The following CACNA2D1 variants were observed in gnomAD, a reference collection of about 807,000 sequenced individuals.
CACNA2D1 encodes the protein voltage-dependent calcium channel subunit alpha-2/delta-1.
Under a neutral mutation model 171.5 loss-of-function variants are expected in CACNA2D1, and 53 were observed. The ratio of observed to expected loss-of-function variants is 0.31; its 90% CI spans 0.25 to 0.39. The LOEUF is 0.39. Ranked by LOEUF, CACNA2D1 falls within the 10% of genes least tolerant of loss-of-function variation. The pLI is 1.00. For synonymous variants in CACNA2D1, 442 were observed against 443.1 expected (o/e 1.00, Z 0.03); for missense variants, 903 against 1,299.8 (o/e 0.69, Z 4.69).
intron 4 of CACNA2D1, among the ~76,000 whole-genome samples, chr7:82,145,616 TTATAA>T (rs1370489741): frequency 1.4e-5 from 2 of 143,008 alleles, no homozygotes; most frequent in African/African-American, 5.1e-5. Context: ...TTTACATATA[TTATAA>T]AATTACATAT....
chr7:82,346,033 T>TGG (rs1819217377), intron 2 of CACNA2D1, among the ~76,000 whole-genome samples: 1 of 152,188 alleles, frequency 6.6e-6, no homozygotes, highest in Admixed American at 6.5e-5. Context: ...GACTAAGTTC[T>TGG]AACCACTGGA....
At chr7:82,149,269 A>G (rs536699892) in intron 4 of CACNA2D1, among the ~76,000 whole-genome samples, 191 of 152,282 alleles carry the variant, frequency 1.3e-3, no homozygotes, top group Non-Finnish European at 1.4e-3. Flanking sequence ...TTCCACAGAC[A>G]AGATGTTCAC....
chr7:82,219,362 A>AT (rs1188103437), intron 3 of CACNA2D1, among the ~76,000 whole-genome samples: 45 of 152,008 alleles, frequency 3.0e-4, no homozygotes, highest in Admixed American at 2.9e-3. Flanking sequence ...GTTCTACATA[A>AT]TTTTTTTTCA....
rs187390095 is a variant in CACNA2D1 at position 82,316,973 on chromosome 7, A to G, written c.294+18162T>C. Among the ~76,000 whole-genome samples, 47 of 152,314 alleles carry G rather than the reference A, an allele frequency of 3.1e-4. 2 individuals are homozygous for G. The East Asian group carries it at 8.3e-3, about 27-fold the overall frequency. On this transcript the variant is annotated intron_variant, in intron 3 of 38. Coordinates refer to ENST00000356860, the MANE Select transcript of CACNA2D1 (RefSeq NM_000722.4). ...ATTTGGGCGGGGACACAGCCAAACC[A>G]TATCAATCTGATTCAGTAATACACT... is the stretch of plus-strand genomic sequence containing the variant.
At chr7:82,017,610 G>GTTT in intron 12 of CACNA2D1, among the ~76,000 whole-genome samples, 1 of 148,768 alleles carries the variant, frequency 6.7e-6, no homozygotes, top group African/African-American at 2.5e-5. Flanking sequence ...TTCTTCAGAT[G>GTTT]TTTTTTTTTT....
chr7:82,190,727 A>G (rs1798207714), intron 3 of CACNA2D1, among the ~76,000 whole-genome samples: 1 of 151,682 alleles, frequency 6.6e-6, no homozygotes, highest in Non-Finnish European at 1.5e-5. Context: ...TCCTCTTGGT[A>G]TTATGAAAAA....
chr7:82,373,595 T>C (rs1180363169), intron 1 of CACNA2D1, among the ~76,000 whole-genome samples: 1 of 152,132 alleles, frequency 6.6e-6, no homozygotes, highest in Non-Finnish European at 1.5e-5. Context: ...AATGTAATAA[T>C]CTTTGACCTC....
At chr7:81,952,448 T>C (rs1435377625) in intron 38 of CACNA2D1, among the ~76,000 whole-genome samples, 4 of 152,004 alleles carry the variant, frequency 2.6e-5, no homozygotes, top group Admixed American at 2.6e-4. Flanking sequence ...AAAGAATCTA[T>C]GAAAAAATTT....
At chr7:82,172,616 C>CTTTTTT (rs55737158) in intron 3 of CACNA2D1, among the ~76,000 whole-genome samples, 1 of 64,512 alleles carries the variant, frequency 1.6e-5, no homozygotes, top group Non-Finnish European at 2.6e-5. Context: ...AGAAACCCGG[C>CTTTTTT]TTTTTTTTTT....
At chr7:82,359,500 G>C (rs116221269) in intron 1 of CACNA2D1, among the ~76,000 whole-genome samples, 1,840 of 152,062 alleles carry the variant, frequency 0.012, 43 homozygotes, top group African/African-American at 0.042. Flanking sequence ...CCAGTCCAGC[G>C]CACTGAACTG....
chr7:82,057,191 G>A (rs1025817987), intron 10 of CACNA2D1, among the ~76,000 whole-genome samples: 1 of 152,066 alleles, frequency 6.6e-6, no homozygotes, highest in Admixed American at 6.6e-5. Context: ...ACCTCACATT[G>A]GTAGCTTAAA....
At chr7:82,328,045 T>C (rs1816862416) in intron 3 of CACNA2D1, among the ~76,000 whole-genome samples, 2 of 152,158 alleles carry the variant, frequency 1.3e-5, no homozygotes, top group Admixed American at 1.3e-4. Context: ...TATGTAAGTT[T>C]GTGCCCCTTG....
chr7:82,057,441 A>G (rs1363066423), intron 10 of CACNA2D1, among the ~76,000 whole-genome samples: 1 of 152,058 alleles, frequency 6.6e-6, no homozygotes, highest in African/African-American at 2.4e-5. Context: ...CCAAGTGTGT[A>G]TGTGTTGGGG....
intron 1 of CACNA2D1, among the ~76,000 whole-genome samples, chr7:82,363,180 T>G (rs1213983227): frequency 6.6e-6 from 1 of 150,736 alleles, no homozygotes; most frequent in Non-Finnish European, 1.5e-5. Context: ...ACACATAAAA[T>G]AGTCTCTTAT....
chr7:82,065,088 C>A (rs1157514375), intron 8 of CACNA2D1, among the ~76,000 whole-genome samples: 1 of 149,516 alleles, frequency 6.7e-6, no homozygotes, highest in African/African-American at 2.5e-5. Flanking sequence ...CTGACTTCTC[C>A]GACAGGAAGG....
chr7:82,161,231 G>T lies in CACNA2D1; in HGVS notation c.354+9319C>A, dbSNP rs535882064. Among the ~76,000 whole-genome samples, 13 of 152,104 alleles carry T rather than the reference G, an allele frequency of 8.5e-5. No individual in the cohort carries two copies. In the South Asian group the frequency reaches 2.5e-3, roughly 29 times the overall value. ...GTTCCTTTCCTTCCTTTCTCTGAGG[G>T]TTTTATGGCTTCAGGAAAGAAAGAC... On this transcript the variant is annotated intron_variant, in intron 4 of 38. Transcript: ENST00000356860.
chr7:82,176,996 A>G (rs191736532), intron 3 of CACNA2D1, among the ~76,000 whole-genome samples: 1 of 150,666 alleles, frequency 6.6e-6, no homozygotes, highest in African/African-American at 2.4e-5. Context: ...CATGATGCAA[A>G]TATCTCAAAG....
In CACNA2D1 at chr7:81,948,014, G is replaced by A. The variant is rs1204700022; in HGVS notation, c.*2378C>T. The A allele has an allele frequency of 2.0e-5, 3 of 151,764 alleles. No homozygotes were observed. Among genetic ancestry groups the A allele is most frequent in the East Asian group, 1.9e-4 (1 of 5,162 alleles). The allele number at this position is 151,764 out of a possible 1,614,324, so 9.4% of individuals were successfully genotyped here. A position where few individuals can be genotyped will look rare whatever the true frequency, so the allele number is the denominator to read the frequency against. On this transcript the variant is annotated 3_prime_UTR_variant, in exon 39 of 39. Coordinates refer to ENST00000356860, the MANE Select transcript of CACNA2D1 (RefSeq NM_000722.4). Reference sequence around the variant, plus strand: ...GCCAAGAGATGCCAAGTTTAACCGCGATTAATACAATAACAATGTAATTGA... The same window carrying A: ...GCCAAGAGATGCCAAGTTTAACCGCAATTAATACAATAACAATGTAATTGA...
chr7:82,330,661 T>C (rs80081552), intron 3 of CACNA2D1, among the ~76,000 whole-genome samples: 10,271 of 152,232 alleles, frequency 0.067, 465 homozygotes, highest in African/African-American at 0.13. Context: ...TTGAAAATGG[T>C]TAATTGATAC....
Sources: gnomAD v4.1 joint callset for allele counts (sites outside exome capture counted in the v4.1 genomes callset) on GRCh38, gnomAD v4.1.1 for gene constraint, MANE v1.5 for transcripts, NCBI Gene and HGNC (gene_info 2026-07-23, HGNC 2026-07-21) for gene names.